CDH7: variants seen among roughly 807,000 people sequenced by gnomAD.
The protein encoded by CDH7 is cadherin-7.
Under a neutral mutation model 71.8 loss-of-function variants are expected in CDH7, and 25 were observed. The ratio of observed to expected loss-of-function variants is 0.35; its 90% confidence interval spans 0.25 to 0.49. The LOEUF (loss-of-function observed/expected upper bound fraction) is 0.49, where lower values mean the gene tolerates loss of function less well. Among genes scored for constraint, CDH7 ranks in the 20% least tolerant of loss-of-function variants. CDH7 has a pLI of 0.99. For missense variants in CDH7, 862 were observed against 974.6 expected, an observed-to-expected ratio of 0.88 and a Z score of 1.54; for synonymous variants, 381 against 363.8, an observed-to-expected ratio of 1.05 and a Z score of -0.54.
At chr18:65,852,690 A>C (rs1913193316) in intron 7 of CDH7, among the ~76,000 whole-genome samples, 1 of 152,068 alleles carries the variant, frequency 6.6e-6, no homozygotes, top group Admixed American at 6.6e-5. Context: ...TCACATCTAC[A>C]AGGGAGGCTA....
intron 2 of CDH7, 24 bp downstream of exon 2, chr18:65,763,076 G>T (rs1476018564): frequency 1.3e-6 from 2 of 1,514,198 alleles, no homozygotes; most frequent in Non-Finnish European, 9.1e-7. Context: ...ACCTTTCAAA[G>T]TTGTAAATGA....
chr18:65,859,667 C>A (rs776151818), intron 9 of CDH7, 41 bp from the exon 10 acceptor site: 103 of 1,216,264 alleles, frequency 8.5e-5, no homozygotes, highest in Non-Finnish European at 1.2e-4. Flanking sequence ...CTAAGCATAG[C>A]ACACCAATGT....
chr18:65,808,672 C>T (rs1357951920), intron 2 of CDH7, among the ~76,000 whole-genome samples: 2 of 151,982 alleles, frequency 1.3e-5, no homozygotes, highest in Non-Finnish European at 1.5e-5. Flanking sequence ...TCCATACTTT[C>T]CTTGGTGTTT....
intron 1 of CDH7, among the ~76,000 whole-genome samples, chr18:65,756,286 C>T (rs1483343425): frequency 6.6e-6 from 1 of 152,074 alleles, no homozygotes; most frequent in Non-Finnish European, 1.5e-5. Context: ...ATAGGTCAGC[C>T]AACAAAATGT....
chr18:65,776,401 C>CACACACAGAG lies in CDH7; in HGVS notation c.210+13350_210+13351insCACACAGAGA, dbSNP rs1370490839. On this transcript the variant is annotated intron_variant, in intron 2 of 11. Coordinates refer to ENST00000397968, the MANE Select transcript of CDH7 (RefSeq NM_004361.5). ...ACACACACACACACACACACACACACAGAGAGAGAGAGAGGGAAGAGAGAG... is the reference window on the plus strand; with the variant it reads ...ACACACACACACACACACACACACACACACACAGAGAGAGAGAGAGAGAGGGAAGAGAGAG... 6.3e-4 allele frequency among the ~76,000 whole-genome samples: 78 copies of CACACACAGAG among 124,760 alleles called. 1 individual carries two copies. The highest frequency in any genetic ancestry group is 2.4e-3 in the African/African-American group (71 of 29,508). 81.8% of individuals were successfully genotyped at this position (124,760 alleles called of 152,430 possible). A position where few individuals can be genotyped will look rare whatever the true frequency, so the allele number is the denominator to read the frequency against.
chr18:65,776,350 A>G (rs1909938619), intron 2 of CDH7, among the ~76,000 whole-genome samples: 1 of 148,220 alleles, frequency 6.7e-6, no homozygotes, highest in African/African-American at 2.5e-5. Flanking sequence ...ACACATTTGA[A>G]GAAAGTACAG....
chr18:65,785,823 G>A (rs952893119), intron 2 of CDH7, among the ~76,000 whole-genome samples: 4 of 151,998 alleles, frequency 2.6e-5, no homozygotes, highest in Admixed American at 2.6e-4. Flanking sequence ...CCTTAAGAAA[G>A]TAACACAAAA....
intron 7 of CDH7, among the ~76,000 whole-genome samples, chr18:65,848,589 T>C (rs1913018375): frequency 6.6e-6 from 1 of 152,116 alleles, no homozygotes; most frequent in Admixed American, 6.6e-5. Flanking sequence ...TTATGTTTTA[T>C]TTGGTTATAT....
At chr18:65,829,118 G>GTTTTGTTTTGT (rs6146352) in intron 6 of CDH7, among the ~76,000 whole-genome samples, 3 of 149,920 alleles carry the variant, frequency 2.0e-5, no homozygotes, top group Non-Finnish European at 4.5e-5. Context: ...TGTCATTTTT[G>GTTTTGTTTTGT]TTTTGTTTTG....
intron 8 of CDH7, 55 bp downstream of exon 8, chr18:65,858,007 G>A (rs1371315035): frequency 1.7e-5 from 27 of 1,553,810 alleles, no homozygotes; most frequent in African/African-American, 1.6e-4. Flanking sequence ...GTGGAGAATC[G>A]ATTGTCATGA....
chr18:65,825,076 T>C (rs1451628271), intron 6 of CDH7, among the ~76,000 whole-genome samples: 2 of 151,852 alleles, frequency 1.3e-5, no homozygotes. Context: ...ACTATAAAAA[T>C]AAAGCAAACT....
At position 65,862,845 on chromosome 18, in the gene CDH7, G is replaced by A; in HGVS notation, c.1792G>A (p.Ala598Thr). The change falls in exon 11 of 12, where the codon GCC becomes ACC. Residue 598 changes from alanine (A) to threonine (T), a missense_variant. By Grantham distance (58) the Ala-to-Thr change is moderately conservative. Transcript: ENST00000397968. ...CGTAGCCCAGACCTGCAATGCAGAGGCCTATGTCCTACCTGCTGGCCTCAG... is the reference window on the plus strand; with the variant it reads ...CGTAGCCCAGACCTGCAATGCAGAGACCTATGTCCTACCTGCTGGCCTCAG... ...DGVAQTCNAE[A>T]YVLPAGLSTG... is the part of the protein sequence containing the mutation. 6.2e-7 allele frequency: 1 copy of A among 1,614,104 alleles called. No individual in the cohort carries two copies. Among genetic ancestry groups the A allele is most frequent in the African/African-American group, 1.3e-5 (1 of 75,042 alleles).
intron 2 of CDH7, among the ~76,000 whole-genome samples, chr18:65,800,916 T>G (rs1403032898): frequency 6.6e-6 from 1 of 152,150 alleles, no homozygotes; most frequent in Non-Finnish European, 1.5e-5. Context: ...TGAAACTAAC[T>G]CTTAGGAGCA....
chr18:65,793,452 GTCCAGCAAAT>G (rs1276049443), intron 2 of CDH7, among the ~76,000 whole-genome samples: 1 of 150,644 alleles, frequency 6.6e-6, no homozygotes, highest in Non-Finnish European at 1.5e-5. Flanking sequence ...GAGAGAGAAA[GTCCAGCAAAT>G]TCCAGCAAAT....
At chr18:65,853,447 AGTATCT>A (rs1913219240) in intron 7 of CDH7, among the ~76,000 whole-genome samples, 2 of 152,172 alleles carry the variant, frequency 1.3e-5, no homozygotes, top group Non-Finnish European at 2.9e-5. Flanking sequence ...CATTCTAAAA[AGTATCT>A]GTATTTTCTT....
intron 11 of CDH7, among the ~76,000 whole-genome samples, chr18:65,869,397 T>G (rs1249350833): frequency 6.6e-6 from 1 of 152,124 alleles, no homozygotes; most frequent in Non-Finnish European, 1.5e-5. Context: ...GACTCTCCAG[T>G]ACCAGACAGC....
intron 2 of CDH7, among the ~76,000 whole-genome samples, chr18:65,775,780 G>A (rs2143816543): frequency 6.6e-6 from 1 of 152,214 alleles, no homozygotes; most frequent in East Asian, 1.9e-4. Flanking sequence ...ATGGTCTAAG[G>A]AAAAAACAAG....
intron 1 of CDH7, among the ~76,000 whole-genome samples, chr18:65,762,071 G>A (rs1317071553): frequency 6.6e-6 from 1 of 152,186 alleles, no homozygotes; most frequent in East Asian, 1.9e-4. Context: ...GAGCTTTTCA[G>A]CTGACCACAA....
intron 10 of CDH7, among the ~76,000 whole-genome samples, 177 bp downstream of exon 10, chr18:65,860,002 C>T (rs1288562671): frequency 2.6e-5 from 4 of 152,058 alleles, no homozygotes; most frequent in Non-Finnish European, 5.9e-5. Context: ...GGAAAAGCTG[C>T]TATTTAAATT....
Sources: gnomAD v4.1 joint callset for allele counts (sites outside exome capture counted in the v4.1 genomes callset) on GRCh38, gnomAD v4.1.1 for gene constraint, MANE v1.5 for transcripts, NCBI Gene and HGNC (gene_info 2026-07-23, HGNC 2026-07-21) for gene names.